The following ADGRB3 variants were observed in gnomAD, a reference collection of about 807,000 sequenced individuals.
The protein encoded by ADGRB3 is brain-specific angiogenesis inhibitor 3.
In ADGRB3, 37 loss-of-function variants were observed where a neutral mutation model predicts 193.4. That is an observed-to-expected ratio of 0.19 (90% CI 0.15 to 0.25). ADGRB3 has a LOEUF of 0.25. ADGRB3 is among the 10% of genes least tolerant of loss of function. The pLI is 1.00. For missense variants in ADGRB3, 1,637 were observed against 1,852.9 expected, an observed-to-expected ratio of 0.88 and a Z score of 2.14; for synonymous variants, 690 against 644.2, an observed-to-expected ratio of 1.07 and a Z score of -1.08.
intron 17 of ADGRB3, among the ~76,000 whole-genome samples, chr6:69,113,812 A>T (rs924524498): frequency 9.9e-5 from 15 of 152,178 alleles, no homozygotes; most frequent in African/African-American, 3.6e-4. Context: ...GTTTTTCAGT[A>T]TCAGATAATT....
chr6:69,329,096 T>C (rs371487805), intron 22 of ADGRB3, among the ~76,000 whole-genome samples: 1 of 151,998 alleles, frequency 6.6e-6, no homozygotes. Context: ...ATACTGAATC[T>C]CTATTAGTAT....
At chr6:69,147,565 T>C (rs4457127) in intron 17 of ADGRB3, among the ~76,000 whole-genome samples, 97,161 of 152,008 alleles carry the variant, frequency 0.64, 32,299 homozygotes, top group East Asian at 0.95. Context: ...GCCTAACACA[T>C]GGTCTGTCCT....
At chr6:68,653,515 T>C (rs1239478909) in intron 3 of ADGRB3, among the ~76,000 whole-genome samples, 1 of 152,092 alleles carries the variant, frequency 6.6e-6, no homozygotes, top group Admixed American at 6.6e-5. Flanking sequence ...GGTAGCTGCA[T>C]ATATTACTAG....
At chr6:69,154,076 C>T (rs1462839192) in intron 17 of ADGRB3, among the ~76,000 whole-genome samples, 1 of 152,102 alleles carries the variant, frequency 6.6e-6, no homozygotes, top group African/African-American at 2.4e-5. Flanking sequence ...AATAATGAAC[C>T]TGACTCTTGA....
intron 20 of ADGRB3, among the ~76,000 whole-genome samples, chr6:69,298,344 A>G (rs1213858588): frequency 6.6e-6 from 1 of 151,908 alleles, no homozygotes; most frequent in African/African-American, 2.4e-5. Flanking sequence ...TCTTTTTTTA[A>G]GTTTTAATTT....
At chr6:68,744,355 A>G (rs1468667401) in intron 3 of ADGRB3, among the ~76,000 whole-genome samples, 1 of 152,160 alleles carries the variant, frequency 6.6e-6, no homozygotes, top group East Asian at 1.9e-4. Context: ...TAGAACTAGA[A>G]ATCCCATTTG....
chr6:69,057,295 T>C (rs1454127523), intron 15 of ADGRB3, among the ~76,000 whole-genome samples: 1 of 152,056 alleles, frequency 6.6e-6, no homozygotes, highest in Non-Finnish European at 1.5e-5. Context: ...ATTTTTAATG[T>C]GTGTCTGTGT....
intron 20 of ADGRB3, among the ~76,000 whole-genome samples, chr6:69,309,042 A>T (rs1768124610): frequency 6.6e-6 from 1 of 151,756 alleles, no homozygotes; most frequent in South Asian, 2.1e-4. Context: ...GAGGGAAGCC[A>T]GTCATCTCCA....
chr6:68,638,325 A>G lies in ADGRB3; in HGVS notation c.-15-336A>G, dbSNP rs559835438. On this transcript the variant is annotated intron_variant, in intron 2 of 31. Coordinates refer to ENST00000370598, the MANE Select transcript of ADGRB3 (RefSeq NM_001704.3). ...ATTAACATTTACATTATGACGTTTT[A>G]AAACTCCATGTTTTCCCTTTTCATT... 2.2e-4 allele frequency among the ~76,000 whole-genome samples: 34 copies of G among 152,368 alleles called. 2 individuals carry two copies. The highest frequency in any genetic ancestry group is 2.1e-3 in the Admixed American group (32 of 15,308).
chr6:69,381,110 C>T (rs1213350915), intron 30 of ADGRB3, among the ~76,000 whole-genome samples: 3 of 151,578 alleles, frequency 2.0e-5, no homozygotes, highest in Non-Finnish European at 4.4e-5. Flanking sequence ...TGTTTGTCTC[C>T]CAAAGGAAAG....
intron 17 of ADGRB3, among the ~76,000 whole-genome samples, chr6:69,156,342 G>T (rs1774839974): frequency 6.6e-6 from 1 of 152,192 alleles, no homozygotes; most frequent in Non-Finnish European, 1.5e-5. Context: ...TAGGAAAACT[G>T]CTGTGAGGAG....
chr6:69,128,602 T>C (rs530829954), intron 17 of ADGRB3, among the ~76,000 whole-genome samples: 1 of 152,138 alleles, frequency 6.6e-6, no homozygotes, highest in South Asian at 2.1e-4. Context: ...GAATCATCGA[T>C]CCAGGCTCAA....
intron 3 of ADGRB3, among the ~76,000 whole-genome samples, chr6:68,862,898 C>A (rs1441901193): frequency 1.3e-5 from 2 of 152,092 alleles, no homozygotes; most frequent in Non-Finnish European, 2.9e-5. Flanking sequence ...TGTCTCTTTT[C>A]TTTCCCTTCC....
At chr6:68,933,437 C>T (rs1012366899) in intron 4 of ADGRB3, among the ~76,000 whole-genome samples, 11 of 151,992 alleles carry the variant, frequency 7.2e-5, no homozygotes, top group East Asian at 1.9e-4. Context: ...ACTAAAAATA[C>T]GAAAAATTAG....
chr6:69,035,091 G>A (rs1355213132), intron 13 of ADGRB3, among the ~76,000 whole-genome samples: 2 of 152,002 alleles, frequency 1.3e-5, no homozygotes, highest in African/African-American at 4.8e-5. Flanking sequence ...ATAAACTCAT[G>A]AATTTCTACT....
intron 13 of ADGRB3, among the ~76,000 whole-genome samples, chr6:69,037,381 T>C (rs1473627247): frequency 6.6e-6 from 1 of 152,238 alleles, no homozygotes; most frequent in Non-Finnish European, 1.5e-5. Flanking sequence ...CACATCATAA[T>C]TGCAGAGTTA....
chr6:68,975,268 T>A lies in ADGRB3; in HGVS notation c.1662T>A (p.His554Gln), dbSNP rs1562107180. Residue 554 changes from histidine (H) to glutamine (Q), a missense_variant, in exon 10 of 32, where the codon CAT (histidine) becomes CAA (glutamine). Physicochemically the swap from His to Gln is conservative, Grantham distance 24. This residue lies in a region of ADGRB3 where 641 missense variants were observed against 673.9 expected (regional missense o/e 0.95). Coordinates refer to ENST00000370598, the MANE Select transcript of ADGRB3 (RefSeq NM_001704.3). ...TTSRRCSLSL[H>Q]GVAFWEQPSF... Reference sequence around the variant, plus strand: ...GCAGACGCTGCTCTCTCAGTCTTCATGGAGTGGCCTTCTGGGAACAGCCGA... The same window carrying A: ...GCAGACGCTGCTCTCTCAGTCTTCAAGGAGTGGCCTTCTGGGAACAGCCGA... 1 of 1,613,960 alleles carries A rather than the reference T, an allele frequency of 6.2e-7. No individual in the cohort carries two copies. The highest frequency in any genetic ancestry group is 8.5e-7 in the Non-Finnish European group (1 of 1,179,970).
At chr6:69,245,693 A>G (rs1766484335) in intron 20 of ADGRB3, among the ~76,000 whole-genome samples, 1 of 151,994 alleles carries the variant, frequency 6.6e-6, no homozygotes, top group Non-Finnish European at 1.5e-5. Context: ...TCTCAAGCTC[A>G]TTCTCTGACA....
intron 31 of ADGRB3, among the ~76,000 whole-genome samples, chr6:69,387,086 G>A (rs1201055614): frequency 2.6e-5 from 4 of 151,960 alleles, no homozygotes; most frequent in Non-Finnish European, 4.4e-5. Flanking sequence ...AAAGCATATC[G>A]CTGTTTTGCA....
Sources: allele counts gnomAD v4.1 joint callset (sites outside exome capture counted in the v4.1 genomes callset), GRCh38; gene constraint gnomAD v4.1.1; regional missense constraint gnomAD v4.1.1; transcripts MANE v1.5; gene names NCBI Gene and HGNC (gene_info 2026-07-23, HGNC 2026-07-21).